RIC8B: variants seen among roughly 807,000 people sequenced by gnomAD.
RIC8B encodes RIC8 guanine nucleotide exchange factor B.
RIC8B carries 16 observed loss-of-function variants against 57.5 expected under a neutral mutation model. That is an observed-to-expected ratio of 0.28 (90% CI 0.19 to 0.42). The LOEUF is 0.42. Ranked by LOEUF, RIC8B falls within the 10% of genes least tolerant of loss-of-function variation. The pLI, the probability that RIC8B is intolerant of heterozygous loss-of-function variation, is 1.00. For synonymous variants in RIC8B, 216 were observed against 250.8 expected (o/e 0.86, Z 1.31); for missense variants, 481 against 677.0 (o/e 0.71, Z 3.21).
intron 2 of RIC8B, among the ~76,000 whole-genome samples, chr12:106,785,789 C>T (rs938657642): frequency 1.8e-5 from 2 of 113,464 alleles, no homozygotes; most frequent in Non-Finnish European, 3.6e-5. Context: ...TTCTATGTCT[C>T]TCTCTCTCTC....
intron 9 of RIC8B, chr12:106,874,516 G>T: frequency 3.2e-6 from 5 of 1,551,270 alleles, no homozygotes; most frequent in Non-Finnish European, 4.4e-6. Flanking sequence ...CAGGATGGTG[G>T]TTAGCAACAG....
intron 2 of RIC8B, among the ~76,000 whole-genome samples, chr12:106,790,812 T>C (rs2044232805): frequency 6.6e-6 from 1 of 152,310 alleles, no homozygotes. Context: ...GATAAATCTT[T>C]GTGTATATAG....
intron 6 of RIC8B, among the ~76,000 whole-genome samples, chr12:106,847,887 C>T (rs1959043867): frequency 2.0e-5 from 3 of 152,168 alleles, no homozygotes; most frequent in African/African-American, 7.2e-5. Context: ...TCATTAAACA[C>T]CTGTAATATG....
At chr12:106,848,942 G>C (rs1949334777) in intron 6 of RIC8B, among the ~76,000 whole-genome samples, 1 of 152,162 alleles carries the variant, frequency 6.6e-6, no homozygotes, top group Non-Finnish European at 1.5e-5. Context: ...TGTACCTATA[G>C]AATGATGGTT....
chr12:106,833,304 A>G (rs1167418292), intron 4 of RIC8B, among the ~76,000 whole-genome samples: 3 of 152,310 alleles, frequency 2.0e-5, no homozygotes, highest in South Asian at 4.1e-4. Flanking sequence ...ACCTGCCACA[A>G]ACTTTCAAAA....
At chr12:106,873,223 T>TG in intron 9 of RIC8B, 1 of 977,192 alleles carries the variant, frequency 1.0e-6, no homozygotes, top group Non-Finnish European at 1.2e-6. Context: ...TGTCTTATGT[T>TG]GGCTTTGATG....
At chr12:106,784,550 G>A (rs1464916186) in intron 2 of RIC8B, among the ~76,000 whole-genome samples, 1 of 152,058 alleles carries the variant, frequency 6.6e-6, no homozygotes, top group Non-Finnish European at 1.5e-5. Flanking sequence ...TGTAGAGACA[G>A]GGTCTCATCA....
intron 9 of RIC8B, chr12:106,878,838 CTTCT>C (rs904853067): frequency 1.9e-4 from 43 of 228,602 alleles, no homozygotes; most frequent in African/African-American, 9.7e-4. Context: ...CCCCCCTTTT[CTTCT>C]TTTCTAATCA....
intron 2 of RIC8B, among the ~76,000 whole-genome samples, chr12:106,808,250 G>T (rs2045151377): frequency 6.6e-6 from 1 of 152,114 alleles, no homozygotes; most frequent in Non-Finnish European, 1.5e-5. Context: ...TTGTGCAAAG[G>T]TTATATGCAA....
At chr12:106,874,558 G>C in intron 9 of RIC8B, 1 of 1,550,812 alleles carries the variant, frequency 6.4e-7, no homozygotes, top group African/African-American at 1.4e-5. Flanking sequence ...CCAAAGTGAT[G>C]ATGACTAAGG....
chr12:106,775,174 C>G (rs1008048733), intron 1 of RIC8B: 14 of 420,334 alleles, frequency 3.3e-5, no homozygotes, highest in Non-Finnish European at 4.6e-6. Context: ...GCTTCCTCAC[C>G]TGTATAGCAT....
chr12:106,870,061 T>G (rs1376441161), intron 8 of RIC8B, among the ~76,000 whole-genome samples: 1 of 152,050 alleles, frequency 6.6e-6, no homozygotes, highest in Non-Finnish European at 1.5e-5. Context: ...AAGAGTTATC[T>G]TTTATTTCCT....
intron 9 of RIC8B, chr12:106,871,397 A>G (rs1465063925): frequency 4.6e-5 from 7 of 151,418 alleles, no homozygotes; most frequent in Admixed American, 1.3e-4. Flanking sequence ...CATGCACCCA[A>G]TAAGAAAAAG....
chr12:106,829,892 A>G (rs564743298), intron 4 of RIC8B, among the ~76,000 whole-genome samples: 5 of 152,310 alleles, frequency 3.3e-5, no homozygotes, highest in African/African-American at 1.2e-4. Context: ...ATCATTGTGC[A>G]AGTATTTATG....
In RIC8B at chr12:106,879,653, C is replaced by T; in HGVS notation, c.1572-6251C>T. ...AGCAGTCCCAAGGGTTAGGCTGGGG[C>T]AAAATAGGGTTTCCTTTCTTGGACG... On this transcript the variant is annotated intron_variant, in intron 9 of 9. Transcript: ENST00000392837. The surrounding 1 kb of genome is among the most constrained non-coding windows in gnomAD (Gnocchi z 4.9). 3 of 985,358 alleles carry T rather than the reference C, an allele frequency of 3.0e-6. No individual in the cohort carries two copies. Among genetic ancestry groups the T allele is most frequent in the Non-Finnish European group, 3.6e-6 (3 of 829,922 alleles). The allele number at this position is 985,358 out of a possible 1,614,324, so 61.0% of individuals were successfully genotyped here.
chr12:106,783,784 C>T (rs2043873052), intron 1 of RIC8B, among the ~76,000 whole-genome samples: 1 of 152,144 alleles, frequency 6.6e-6, no homozygotes. Context: ...GCTTGGTTTG[C>T]TGTGCTCCTT....
chr12:106,818,454 G>A (rs1466884422), intron 3 of RIC8B, among the ~76,000 whole-genome samples: 5 of 151,786 alleles, frequency 3.3e-5, no homozygotes, highest in African/African-American at 7.3e-5. Flanking sequence ...ATGAGCCACC[G>A]CGCCCGGCCT....
intron 1 of RIC8B, among the ~76,000 whole-genome samples, chr12:106,775,732 A>G (rs1443087041): frequency 6.6e-6 from 1 of 152,222 alleles, no homozygotes; most frequent in East Asian, 1.9e-4. Context: ...GGAATTTTAC[A>G]TGCTCACTTC....
intron 2 of RIC8B, among the ~76,000 whole-genome samples, chr12:106,797,512 T>G (rs183842382): frequency 8.7e-4 from 133 of 152,220 alleles, no homozygotes; most frequent in Admixed American, 1.7e-3. Context: ...AATCAGGAGT[T>G]ACTACTAATA....
Sources: gnomAD v4.1 joint callset for allele counts (sites outside exome capture counted in the v4.1 genomes callset) on GRCh38, gnomAD v4.1.1 for gene constraint, Gnocchi (gnomAD v3.1) non-coding constraint, MANE v1.5 for transcripts, NCBI Gene and HGNC (gene_info 2026-07-23, HGNC 2026-07-21) for gene names.